Variants in TTC27 observed in about 807,000 individuals in gnomAD.
The protein encoded by TTC27 is tetratricopeptide repeat protein 27.
In TTC27, 79 loss-of-function variants were observed where a neutral mutation model predicts 115.9. That is an observed-to-expected ratio of 0.68 (90% confidence interval 0.57 to 0.82). The LOEUF is 0.82. TTC27 is among the 40% of genes least tolerant of loss of function. The pLI, the probability that TTC27 is intolerant of heterozygous loss-of-function variation, is 0.00. For missense variants in TTC27, 1,054 were observed against 993.1 expected (o/e 1.06, Z -0.82); for synonymous variants, 401 against 356.0 (o/e 1.13, Z -1.42).
At position 32,772,765 on chromosome 2, in the gene TTC27, A is replaced by G. The variant is rs1225099920; in HGVS notation, c.1681-5117A>G. On this transcript the variant is annotated intron_variant, in intron 13 of 19. Transcript: ENST00000317907. The stretch of plus-strand genomic sequence containing the variant: ...TAACCCTATAAGTTGAAGTGCTTCT[A>G]TATTCCATTCTATTGTCAATGTCCT... Among the ~76,000 whole-genome samples, 17 of 152,158 alleles carry G rather than the reference A, an allele frequency of 1.1e-4. No homozygotes were observed. In the South Asian group the frequency reaches 1.2e-3, roughly 11 times the overall value.
At chr2:32,749,398 G>T (rs2147982163) in intron 12 of TTC27, among the ~76,000 whole-genome samples, 1 of 152,306 alleles carries the variant, frequency 6.6e-6, no homozygotes, top group African/African-American at 2.4e-5. Flanking sequence ...GAAGATTGCA[G>T]GCTCTTGGTA....
intron 4 of TTC27, among the ~76,000 whole-genome samples, chr2:32,640,825 A>C (rs1664616976): frequency 6.6e-6 from 1 of 152,156 alleles, no homozygotes; most frequent in Admixed American, 6.6e-5. Flanking sequence ...TCTACTAAAA[A>C]TACAAAATTA....
At chr2:32,641,015 A>C (rs1249178839) in intron 4 of TTC27, among the ~76,000 whole-genome samples, 2 of 152,004 alleles carry the variant, frequency 1.3e-5, no homozygotes, top group Non-Finnish European at 2.9e-5. Flanking sequence ...ACAACAACAA[A>C]AACAAAACAA....
chr2:32,639,084 G>A (rs888365261), intron 3 of TTC27, among the ~76,000 whole-genome samples: 5 of 151,926 alleles, frequency 3.3e-5, no homozygotes, highest in African/African-American at 7.3e-5. Context: ...CGCCCGCCTT[G>A]GCCTCCCAAA....
chr2:32,737,219 G>GAC (rs1338064771), intron 12 of TTC27, among the ~76,000 whole-genome samples: 3 of 152,126 alleles, frequency 2.0e-5, no homozygotes, highest in Non-Finnish European at 2.9e-5. Context: ...AGGGTGTGAC[G>GAC]ACACCTCTTG....
intron 5 of TTC27, among the ~76,000 whole-genome samples, chr2:32,652,688 G>C (rs1056838082): frequency 7.9e-5 from 12 of 152,130 alleles, no homozygotes; most frequent in Admixed American, 2.6e-4. Context: ...TAGATTCGTA[G>C]ATAGTGCTGA....
chr2:32,720,023 C>G (rs1456058383), intron 10 of TTC27, among the ~76,000 whole-genome samples: 4 of 152,156 alleles, frequency 2.6e-5, no homozygotes, highest in Non-Finnish European at 5.9e-5. Context: ...TAACATAATA[C>G]GTGAATTATG....
chr2:32,638,856 G>A (rs764892497), intron 3 of TTC27, among the ~76,000 whole-genome samples: 7 of 151,012 alleles, frequency 4.6e-5, no homozygotes, highest in Admixed American at 4.0e-4. Flanking sequence ...TTTTTGATAC[G>A]GAGTCTTGCT....
At chr2:32,759,265 T>C (rs1219774990) in intron 13 of TTC27, among the ~76,000 whole-genome samples, 1 of 152,216 alleles carries the variant, frequency 6.6e-6, no homozygotes, top group East Asian at 1.9e-4. Context: ...TGCACACTGA[T>C]TTGCTGTAAT....
chr2:32,707,982 G>T (rs1667436073), intron 10 of TTC27, among the ~76,000 whole-genome samples: 1 of 151,880 alleles, frequency 6.6e-6, no homozygotes, highest in Non-Finnish European at 1.5e-5. Context: ...AAAGAAATGA[G>T]GTATGTCAAA....
chr2:32,751,012 G>A (rs967580730), intron 12 of TTC27, among the ~76,000 whole-genome samples: 2 of 152,134 alleles, frequency 1.3e-5, no homozygotes, highest in African/African-American at 2.4e-5. Flanking sequence ...AGGCAAGATA[G>A]GACAAGCATA....
chr2:32,712,842 C>T (rs1667628738), intron 10 of TTC27, among the ~76,000 whole-genome samples: 1 of 152,296 alleles, frequency 6.6e-6, no homozygotes, highest in African/African-American at 2.4e-5. Context: ...ACACTGCACC[C>T]AGCCTTAAAT....
chr2:32,729,952 A>C lies in TTC27; in HGVS notation c.1234-3876A>C, dbSNP rs192172747. Among the ~76,000 whole-genome samples, 294 of 152,324 alleles carry C rather than the reference A, an allele frequency of 1.9e-3. 2 individuals are homozygous for C. Among genetic ancestry groups the C allele is most frequent in the African/African-American group, 6.7e-3 (280 of 41,572 alleles). Reference sequence around the variant, plus strand: ...GAAAATGGGTAAGTGCAAGGGTAGGACACACTGCTTTGGAGACCATTTACC... The same window carrying C: ...GAAAATGGGTAAGTGCAAGGGTAGGCCACACTGCTTTGGAGACCATTTACC... On this transcript the variant is annotated intron_variant, in intron 10 of 19. Transcript: ENST00000317907.
chr2:32,700,772 T>C (rs939205172), intron 9 of TTC27, among the ~76,000 whole-genome samples: 1 of 152,180 alleles, frequency 6.6e-6, no homozygotes, highest in Non-Finnish European at 1.5e-5. Flanking sequence ...ACTCCTGACC[T>C]TAGGTGATCC....
chr2:32,666,360 T>C lies in TTC27; in HGVS notation c.806-275T>C, dbSNP rs73922772. ...CTACCTACAACACTCAATGTGTTAC[T>C]TTTTTTTTTTTTTTTTAAAGGGTGG... On this transcript the variant is annotated intron_variant, in intron 6 of 19. Coordinates refer to ENST00000317907, the MANE Select transcript of TTC27 (RefSeq NM_017735.5). 2.3e-3 allele frequency among the ~76,000 whole-genome samples: 198 copies of C among 86,846 alleles called. 1 individual carries two copies. The highest frequency in any genetic ancestry group is 0.014 in the African/African-American group (189 of 13,136). 57.0% of individuals were successfully genotyped at this position (86,846 alleles called of 152,430 possible).
At chr2:32,662,084 T>C (rs1184893440) in intron 5 of TTC27, among the ~76,000 whole-genome samples, 3 of 152,334 alleles carry the variant, frequency 2.0e-5, no homozygotes, top group African/African-American at 4.8e-5. Context: ...AATTTGCATA[T>C]GTTGAACCAG....
intron 10 of TTC27, among the ~76,000 whole-genome samples, chr2:32,729,683 G>A (rs776748519): frequency 6.6e-6 from 1 of 151,866 alleles, no homozygotes; most frequent in Admixed American, 6.6e-5. Context: ...TCTGGACCGC[G>A]CCCCAGGGGC....
chr2:32,688,862 T>C (rs532748673), intron 9 of TTC27, among the ~76,000 whole-genome samples: 14 of 152,244 alleles, frequency 9.2e-5, no homozygotes, highest in African/African-American at 3.4e-4. Flanking sequence ...CTTCTCCAGG[T>C]ATTTAGCCAT....
At chr2:32,636,457 A>G (rs1004098062) in intron 3 of TTC27, among the ~76,000 whole-genome samples, 6 of 151,906 alleles carry the variant, frequency 3.9e-5, no homozygotes, top group African/African-American at 1.2e-4. Flanking sequence ...CAGGTGATCC[A>G]CCCGCCTCGG....
Sources: allele counts gnomAD v4.1 joint callset (sites outside exome capture counted in the v4.1 genomes callset), GRCh38; gene constraint gnomAD v4.1.1; transcripts MANE v1.5; gene names NCBI Gene and HGNC (gene_info 2026-07-23, HGNC 2026-07-21).